Variants in DTWD2 observed in about 807,000 individuals in gnomAD.
DTWD2 encodes DTW motif tRNA-uridine aminocarboxypropyltransferase 2.
DTWD2 carries 39 observed loss-of-function variants against 31.8 expected under a neutral mutation model. That is an observed-to-expected ratio of 1.22 (90% CI 0.95 to 1.60). DTWD2 has a LOEUF of 1.60. DTWD2 is among the 40% of genes most tolerant of loss of function. The pLI, the probability that DTWD2 is intolerant of heterozygous loss-of-function variation, is 0.00. For missense variants in DTWD2, 515 were observed against 381.5 expected, an observed-to-expected ratio of 1.35 and a Z score of -2.92; for synonymous variants, 180 against 142.8, an observed-to-expected ratio of 1.26 and a Z score of -1.86.
At chr5:118,905,654 G>A (rs944397618) in intron 4 of DTWD2, among the ~76,000 whole-genome samples, 2 of 151,932 alleles carry the variant, frequency 1.3e-5, no homozygotes, top group African/African-American at 2.4e-5. Flanking sequence ...AAAAGTGATC[G>A]CCCTGGTAAG....
intron 4 of DTWD2, among the ~76,000 whole-genome samples, chr5:118,914,179 G>T (rs946026772): frequency 2.6e-5 from 4 of 152,152 alleles, no homozygotes; most frequent in African/African-American, 9.7e-5. Flanking sequence ...TCTCCAATGT[G>T]ACAATGTTAT....
At chr5:118,915,847 A>G (rs1012135834) in intron 4 of DTWD2, among the ~76,000 whole-genome samples, 4 of 152,190 alleles carry the variant, frequency 2.6e-5, no homozygotes, top group Admixed American at 1.3e-4. Context: ...CTTGTCCTTT[A>G]CCATCAAGAC....
At chr5:118,841,205 T>A in intron 5 of DTWD2, 118 bp from the exon 6 acceptor site, 1 of 1,112,410 alleles carries the variant, frequency 9.0e-7, no homozygotes, top group Non-Finnish European at 1.3e-6. Flanking sequence ...GGCTTTTAAC[T>A]ATGAGAAACA....
intron 3 of DTWD2, among the ~76,000 whole-genome samples, chr5:118,931,093 C>T (rs568768752): frequency 1.7e-4 from 26 of 151,798 alleles, no homozygotes; most frequent in African/African-American, 6.0e-4. Flanking sequence ...TATGATAATA[C>T]TAATCAAAAG....
At chr5:118,861,388 G>T (rs1372111101) in intron 4 of DTWD2, among the ~76,000 whole-genome samples, 3 of 152,192 alleles carry the variant, frequency 2.0e-5, no homozygotes, top group Non-Finnish European at 4.4e-5. Flanking sequence ...CTGAAAGCAG[G>T]TACAGAAATT....
At chr5:118,920,675 T>C (rs1753683343) in intron 4 of DTWD2, among the ~76,000 whole-genome samples, 1 of 152,202 alleles carries the variant, frequency 6.6e-6, no homozygotes. Context: ...TTCTATAAAA[T>C]ATAGTACTAA....
At chr5:118,890,366 T>C (rs1170046292) in intron 4 of DTWD2, among the ~76,000 whole-genome samples, 4 of 152,172 alleles carry the variant, frequency 2.6e-5, no homozygotes, top group Non-Finnish European at 5.9e-5. Context: ...TTCTTAGATT[T>C]TAAATTAATT....
chr5:118,986,429 G>C (rs750379882), intron 1 of DTWD2, among the ~76,000 whole-genome samples: 3 of 152,110 alleles, frequency 2.0e-5, no homozygotes, highest in Non-Finnish European at 2.9e-5. Flanking sequence ...GTTAAACTGA[G>C]TTTGCACTTC....
intron 4 of DTWD2, among the ~76,000 whole-genome samples, chr5:118,927,097 G>T (rs182526186): frequency 6.6e-6 from 1 of 152,036 alleles, no homozygotes; most frequent in Non-Finnish European, 1.5e-5. Flanking sequence ...AAAGAGAGAC[G>T]GAGAGAGACA....
At chr5:118,985,741 A>C (rs1274050716) in intron 1 of DTWD2, among the ~76,000 whole-genome samples, 1 of 152,036 alleles carries the variant, frequency 6.6e-6, no homozygotes, top group African/African-American at 2.4e-5. Flanking sequence ...AATTTAAATA[A>C]GAATGTTTAA....
At chr5:118,964,490 G>A (rs1754782540) in intron 1 of DTWD2, among the ~76,000 whole-genome samples, 5 of 152,232 alleles carry the variant, frequency 3.3e-5, no homozygotes, top group South Asian at 4.2e-4. Flanking sequence ...CTGATGCCGA[G>A]CCGAAGCTGG....
chr5:118,861,039 T>C (rs1430316927), intron 4 of DTWD2, among the ~76,000 whole-genome samples: 1 of 152,202 alleles, frequency 6.6e-6, no homozygotes, highest in African/African-American at 2.4e-5. Context: ...TTCATTGCTT[T>C]ACACTAGAAT....
At chr5:118,857,162 A>G (rs1407527894) in intron 4 of DTWD2, among the ~76,000 whole-genome samples, 1 of 152,058 alleles carries the variant, frequency 6.6e-6, no homozygotes, top group Non-Finnish European at 1.5e-5. Flanking sequence ...GAAAATTGTA[A>G]GCGATCTTAA....
At chr5:118,973,619 GCGGCAGCC>G (rs1341926226) in intron 1 of DTWD2, among the ~76,000 whole-genome samples, 6 of 23,314 alleles carry the variant, frequency 2.6e-4, no homozygotes, top group Non-Finnish European at 6.6e-4. Flanking sequence ...CTCCTTGCTC[GCGGCAGCC>G]TCCTTGCTCG....
chr5:118,963,214 T>C (rs1360195457), intron 1 of DTWD2, among the ~76,000 whole-genome samples: 1 of 151,448 alleles, frequency 6.6e-6, no homozygotes, highest in African/African-American at 2.4e-5. Context: ...AAGTGAGGAG[T>C]TAGAAGAAGA....
At chr5:118,977,397 G>T (rs931339148) in intron 1 of DTWD2, among the ~76,000 whole-genome samples, 5 of 152,288 alleles carry the variant, frequency 3.3e-5, no homozygotes, top group Admixed American at 2.6e-4. Context: ...AAGTCAAATT[G>T]TATCTGTTTG....
chr5:118,976,428 T>C (rs1478069438), intron 1 of DTWD2, among the ~76,000 whole-genome samples: 2 of 151,816 alleles, frequency 1.3e-5, no homozygotes, highest in African/African-American at 2.4e-5. Flanking sequence ...ATTAACAAAA[T>C]AGATAGACTG....
intron 1 of DTWD2, among the ~76,000 whole-genome samples, chr5:118,976,665 C>T (rs565280569): frequency 3.4e-4 from 52 of 152,232 alleles, no homozygotes; most frequent in Non-Finnish European, 6.9e-4. Flanking sequence ...CTGAATAGAC[C>T]GATAACAAGT....
At chr5:118,978,726 C>T (rs1755222121) in intron 1 of DTWD2, among the ~76,000 whole-genome samples, 1 of 152,178 alleles carries the variant, frequency 6.6e-6, no homozygotes. Context: ...CAACAAATGG[C>T]CAGGCACGGT....
Sources: gnomAD v4.1 joint callset for allele counts (sites outside exome capture counted in the v4.1 genomes callset) on GRCh38, gnomAD v4.1.1 for gene constraint, MANE v1.5 for transcripts, NCBI Gene and HGNC (gene_info 2026-07-23, HGNC 2026-07-21) for gene names.